MOB3B: variants seen among roughly 807,000 people sequenced by gnomAD.
MOB3B encodes the protein MOB kinase activator 3B.
Under a neutral mutation model 18.7 loss-of-function variants are expected in MOB3B, and 7 were observed. The ratio of observed to expected loss-of-function variants is 0.37; its 90% CI spans 0.21 to 0.70. The LOEUF is 0.70. Among genes scored for constraint, MOB3B ranks in the 30% least tolerant of loss-of-function variants. The pLI, the probability that MOB3B is intolerant of heterozygous loss-of-function variation, is 0.52. For missense variants in MOB3B, 253 were observed against 281.3 expected (o/e 0.90, Z 0.72); for synonymous variants, 111 against 99.9 (o/e 1.11, Z -0.66).
Position 27,469,419 on chromosome 9 carries a change from G to T in MOB3B, c.-198-13671C>A, listed in dbSNP as rs1819438041. On this transcript the variant is annotated intron_variant, in intron 1 of 3. Coordinates refer to ENST00000262244, the MANE Select transcript of MOB3B (RefSeq NM_024761.5). ...TTGTACCCTTCAGTGACAGCATCCT[G>T]GCCCCTAACCTGTCTCCCTCAATCA... Among the ~76,000 whole-genome samples, 7 of 152,194 alleles carry T rather than the reference G, an allele frequency of 4.6e-5. No individual in the cohort carries two copies. The South Asian group carries it at 1.5e-3, about 32-fold the overall frequency.
At chr9:27,373,103 G>A (rs752000335) in intron 2 of MOB3B, among the ~76,000 whole-genome samples, 2 of 152,260 alleles carry the variant, frequency 1.3e-5, no homozygotes, top group African/African-American at 2.4e-5. Context: ...TTTGATTTAC[G>A]CACTAACATT....
At chr9:27,361,270 G>A (rs921584494) in intron 2 of MOB3B, among the ~76,000 whole-genome samples, 18 of 152,182 alleles carry the variant, frequency 1.2e-4, no homozygotes, top group East Asian at 7.7e-4. Context: ...AAGTCCGCCT[G>A]ACTCTAAAAT....
intron 3 of MOB3B, among the ~76,000 whole-genome samples, chr9:27,349,371 A>G (rs1821073947): frequency 6.6e-6 from 1 of 152,164 alleles, no homozygotes; most frequent in African/African-American, 2.4e-5. Context: ...GGGAGAAAAT[A>G]TAATGTTATG....
chr9:27,425,684 T>G (rs1822317802), intron 2 of MOB3B, among the ~76,000 whole-genome samples: 1 of 152,228 alleles, frequency 6.6e-6, no homozygotes, highest in Admixed American at 6.5e-5. Flanking sequence ...GTCCTATATT[T>G]ATAACCCAAA....
intron 2 of MOB3B, among the ~76,000 whole-genome samples, chr9:27,417,403 AC>A (rs1433765192): frequency 7.9e-5 from 12 of 151,846 alleles, no homozygotes; most frequent in African/African-American, 1.2e-4. Context: ...AAACAAACAA[AC>A]AAAACGTCAA....
Position 27,359,190 on chromosome 9 carries a change from C to G in MOB3B, c.465G>C (p.Leu155=). ...KNFLQICKKI[L]CRLFRVFVHV... ...GGACAAAGACCCGGAAAAGGCGGCA[C>G]AGGATCTTCTTGCAGATCTGAAGGA... The change falls in exon 3 of 4, where the codon CTG becomes CTC. Residue 155 remains leucine (L), a synonymous_variant. Coordinates refer to ENST00000262244, the MANE Select transcript of MOB3B (RefSeq NM_024761.5). 1 of 1,614,124 alleles carries G rather than the reference C, an allele frequency of 6.2e-7. No homozygotes were observed. Among genetic ancestry groups the G allele is most frequent in the Non-Finnish European group, 8.5e-7 (1 of 1,180,036 alleles).
chr9:27,358,924 G>C, intron 3 of MOB3B, 110 bp downstream of exon 3: 1 of 1,134,908 alleles, frequency 8.8e-7, no homozygotes, highest in East Asian at 2.3e-5. Flanking sequence ...GCAGCCCTCA[G>C]GCTAACAGCT....
At chr9:27,382,545 G>T (rs1821593250) in intron 2 of MOB3B, among the ~76,000 whole-genome samples, 1 of 152,088 alleles carries the variant, frequency 6.6e-6, no homozygotes, top group Non-Finnish European at 1.5e-5. Context: ...CGGGCATGTT[G>T]TGAGTTCCTT....
intron 2 of MOB3B, among the ~76,000 whole-genome samples, chr9:27,402,184 T>C (rs912246482): frequency 6.6e-6 from 1 of 152,250 alleles, no homozygotes; most frequent in South Asian, 2.1e-4. Context: ...ATATGAGGAA[T>C]AGTCAATAAA....
At chr9:27,374,171 T>G (rs1444127840) in intron 2 of MOB3B, among the ~76,000 whole-genome samples, 1 of 152,106 alleles carries the variant, frequency 6.6e-6, no homozygotes, top group Non-Finnish European at 1.5e-5. Flanking sequence ...GCCCAATTCA[T>G]GAATAATTCT....
At chr9:27,362,955 G>A (rs1048293886) in intron 2 of MOB3B, among the ~76,000 whole-genome samples, 3 of 152,240 alleles carry the variant, frequency 2.0e-5, no homozygotes, top group East Asian at 1.9e-4. Flanking sequence ...GCGAGACCTC[G>A]GATGTCCACC....
At chr9:27,396,644 C>T (rs1821804420) in intron 2 of MOB3B, among the ~76,000 whole-genome samples, 1 of 152,134 alleles carries the variant, frequency 6.6e-6, no homozygotes. Flanking sequence ...AATTTAGTCT[C>T]CTTCCCCACT....
At chr9:27,350,045 C>G (rs1430479913) in intron 3 of MOB3B, among the ~76,000 whole-genome samples, 1 of 152,132 alleles carries the variant, frequency 6.6e-6, no homozygotes, top group Non-Finnish European at 1.5e-5. Context: ...ACAATAGCCA[C>G]TAGACATGTG....
chr9:27,435,300 C>A (rs1390111137), intron 2 of MOB3B, among the ~76,000 whole-genome samples: 1 of 152,106 alleles, frequency 6.6e-6, no homozygotes, highest in African/African-American at 2.4e-5. Flanking sequence ...GAAATGTATT[C>A]ATTTCTCTGG....
At chr9:27,406,675 A>C (rs993501166) in intron 2 of MOB3B, among the ~76,000 whole-genome samples, 2 of 152,212 alleles carry the variant, frequency 1.3e-5, no homozygotes, top group African/African-American at 4.8e-5. Flanking sequence ...GGAAGACTAG[A>C]TATCCATATG....
chr9:27,387,355 A>G (rs1821662309), intron 2 of MOB3B, among the ~76,000 whole-genome samples: 1 of 152,182 alleles, frequency 6.6e-6, no homozygotes, highest in Non-Finnish European at 1.5e-5. Flanking sequence ...TCAGATGCCT[A>G]TCCCTCTTTT....
chr9:27,521,088 A>T (rs1820317475), intron 1 of MOB3B, among the ~76,000 whole-genome samples: 1 of 152,128 alleles, frequency 6.6e-6, no homozygotes, highest in Non-Finnish European at 1.5e-5. Context: ...GCTCTTGGGG[A>T]ACCCTAAGAA....
intron 1 of MOB3B, among the ~76,000 whole-genome samples, chr9:27,517,466 G>A (rs948488838): frequency 6.6e-6 from 1 of 151,854 alleles, no homozygotes; most frequent in Non-Finnish European, 1.5e-5. Flanking sequence ...TGGCCAACAT[G>A]GTGAAACCCA....
At chr9:27,471,259 A>C (rs1361977123) in intron 1 of MOB3B, among the ~76,000 whole-genome samples, 1 of 152,176 alleles carries the variant, frequency 6.6e-6, no homozygotes, top group Admixed American at 6.5e-5. Flanking sequence ...TCATTTCCTG[A>C]GGCGAATAGG....
Sources: gnomAD v4.1 joint callset for allele counts (sites outside exome capture counted in the v4.1 genomes callset) on GRCh38, gnomAD v4.1.1 for gene constraint, MANE v1.5 for transcripts, NCBI Gene and HGNC (gene_info 2026-07-23, HGNC 2026-07-21) for gene names.